Variants in SMAD1 observed in about 807,000 individuals in gnomAD.
SMAD1 encodes the protein MAD, mothers against decapentaplegic homolog 1.
In SMAD1, 6 loss-of-function variants were observed where a neutral mutation model predicts 41.6. The observed-to-expected ratio is 0.14, with a 90% CI of 0.08 to 0.28. The LOEUF is 0.28. SMAD1 is among the 10% of genes least tolerant of loss of function. SMAD1 has a pLI of 1.00. For synonymous variants in SMAD1, 206 were observed against 203.2 expected, an observed-to-expected ratio of 1.01 and a Z score of -0.12; for missense variants, 379 against 582.6, an observed-to-expected ratio of 0.65 and a Z score of 3.60.
intron 1 of SMAD1, chr4:145,502,803 G>A (rs1192582176): frequency 6.6e-6 from 1 of 152,136 alleles, no homozygotes; most frequent in Non-Finnish European, 1.5e-5. Context: ...GAACTTACAA[G>A]TGGTAAGTAG....
At chr4:145,527,469 C>T (rs908791413) in intron 2 of SMAD1, among the ~76,000 whole-genome samples, 4 of 152,064 alleles carry the variant, frequency 2.6e-5, no homozygotes, top group Non-Finnish European at 5.9e-5. Context: ...GTGATCCGCC[C>T]GCCTCGGCCT....
chr4:145,497,874 G>T (rs1729181889), intron 1 of SMAD1: 1 of 152,170 alleles, frequency 6.6e-6, no homozygotes, highest in African/African-American at 2.4e-5. Flanking sequence ...GGAAGAGGGG[G>T]TTGCTGCTAT....
chr4:145,504,542 G>C (rs910924253), intron 1 of SMAD1, among the ~76,000 whole-genome samples: 1 of 152,056 alleles, frequency 6.6e-6, no homozygotes, highest in Non-Finnish European at 1.5e-5. Flanking sequence ...TGTTCTACTT[G>C]TTCTAGAGTT....
At position 145,542,543 on chromosome 4, in the gene SMAD1, A is replaced by C. The variant is rs760072802; in HGVS notation, c.659-39A>C. ...ATACGTGTTTTGAGCATGTATGTTTACTAAGGGTTAAGAAATAACTTCTTT... is the reference window on the plus strand; with the variant it reads ...ATACGTGTTTTGAGCATGTATGTTTCCTAAGGGTTAAGAAATAACTTCTTT... On this transcript the variant is annotated intron_variant, in intron 3 of 6. Coordinates refer to ENST00000302085, the MANE Select transcript of SMAD1 (RefSeq NM_005900.3). The C allele has an allele frequency of 2.4e-6, 3 of 1,256,858 alleles. No individual in the cohort carries two copies. The East Asian group carries it at 7.2e-5, about 30-fold the overall frequency. The allele number at this position is 1,256,858 out of a possible 1,614,324, so 77.9% of individuals were successfully genotyped here. A position where few individuals can be genotyped will look rare whatever the true frequency, so the allele number is the denominator to read the frequency against.
chr4:145,528,378 C>T (rs1163355149), intron 2 of SMAD1, among the ~76,000 whole-genome samples: 1 of 151,996 alleles, frequency 6.6e-6, no homozygotes, highest in Non-Finnish European at 1.5e-5. Flanking sequence ...GCTGGGATTA[C>T]AGGCGTAAGC....
chr4:145,554,671 T>C lies in SMAD1; in HGVS notation c.1254+631T>C, dbSNP rs144751938. Among the ~76,000 whole-genome samples the C allele has an allele frequency of 4.6e-5, 7 of 152,280 alleles. No homozygotes were observed. The East Asian group carries it at 1.3e-3, about 29-fold the overall frequency. ...GGTTAAAGACATTGCTCATAATAATTGATCTTTTTGCTGTCTCATGTTCTG... is the reference window on the plus strand; with the variant it reads ...GGTTAAAGACATTGCTCATAATAATCGATCTTTTTGCTGTCTCATGTTCTG... On this transcript the variant is annotated intron_variant, in intron 6 of 6. Coordinates refer to ENST00000302085, the MANE Select transcript of SMAD1 (RefSeq NM_005900.3).
At chr4:145,557,602 C>A (rs911306094) in intron 6 of SMAD1, among the ~76,000 whole-genome samples, 189 bp from the exon 7 acceptor site, 47 of 152,098 alleles carry the variant, frequency 3.1e-4, no homozygotes, top group African/African-American at 1.1e-3. Flanking sequence ...AACATCCATC[C>A]CTTGAAATTG....
intron 1 of SMAD1, among the ~76,000 whole-genome samples, chr4:145,496,214 G>A (rs2126950796): frequency 6.6e-6 from 1 of 151,936 alleles, no homozygotes; most frequent in South Asian, 2.1e-4. Flanking sequence ...GGAGATGGAG[G>A]GAATTTTTTA....
chr4:145,531,694 A>C (rs1463485904), intron 2 of SMAD1, among the ~76,000 whole-genome samples: 1 of 152,164 alleles, frequency 6.6e-6, no homozygotes, highest in Admixed American at 6.5e-5. Context: ...GCTCAAAGTC[A>C]CAAAGGTGGT....
chr4:145,530,860 C>T (rs1289181118), intron 2 of SMAD1, among the ~76,000 whole-genome samples: 1 of 152,204 alleles, frequency 6.6e-6, no homozygotes, highest in Non-Finnish European at 1.5e-5. Context: ...CACATCCTGG[C>T]CCTCAATTAG....
upstream of SMAD1, chr4:145,481,800 G>A: frequency 5.4e-6 from 1 of 186,530 alleles, no homozygotes; most frequent in Non-Finnish European, 1.1e-5. Flanking sequence ...CCGGGTATTG[G>A]CAGCTGAGGA....
chr4:145,496,618 C>T (rs1257317920), intron 1 of SMAD1, among the ~76,000 whole-genome samples: 3 of 151,992 alleles, frequency 2.0e-5, no homozygotes, highest in African/African-American at 4.8e-5. Flanking sequence ...GAAGGTGAAA[C>T]CTGAATATGC....
chr4:145,487,311 G>T (rs1254760678), intron 1 of SMAD1, among the ~76,000 whole-genome samples: 1 of 152,108 alleles, frequency 6.6e-6, no homozygotes, highest in Non-Finnish European at 1.5e-5. Context: ...CCTAGGGAGA[G>T]AATTGGACAG....
At chr4:145,542,149 A>G (rs1194524833) in intron 3 of SMAD1, among the ~76,000 whole-genome samples, 1 of 152,270 alleles carries the variant, frequency 6.6e-6, no homozygotes, top group Non-Finnish European at 1.5e-5. Flanking sequence ...CTAAAAGCCC[A>G]TAGATTTAAT....
chr4:145,532,868 G>T (rs1731394471), intron 2 of SMAD1, among the ~76,000 whole-genome samples: 1 of 152,144 alleles, frequency 6.6e-6, no homozygotes, highest in Admixed American at 6.6e-5. Context: ...CATTCTTTAG[G>T]CTGGTAAATC....
chr4:145,543,536 TC>T (rs1415655734), intron 4 of SMAD1, among the ~76,000 whole-genome samples: 11 of 152,212 alleles, frequency 7.2e-5, no homozygotes, highest in Admixed American at 2.6e-4. Flanking sequence ...CACAAGTTTT[TC>T]CCCTTCTCAG....
At chr4:145,484,927 A>G (rs1728401838) in intron 1 of SMAD1, among the ~76,000 whole-genome samples, 1 of 152,244 alleles carries the variant, frequency 6.6e-6, no homozygotes, top group Non-Finnish European at 1.5e-5. Flanking sequence ...CCAGAAACAA[A>G]GATATTTGAA....
chr4:145,532,974 A>G (rs1000595481), intron 2 of SMAD1, among the ~76,000 whole-genome samples: 1 of 152,252 alleles, frequency 6.6e-6, no homozygotes, highest in Non-Finnish European at 1.5e-5. Context: ...AATAGAAAAC[A>G]TATTTTAATT....
At chr4:145,515,080 T>C in intron 2 of SMAD1, 67 bp downstream of exon 2, 2 of 1,432,770 alleles carry the variant, frequency 1.4e-6, no homozygotes, top group Middle Eastern at 3.7e-4. Flanking sequence ...GTTTAGAACA[T>C]GAAAATAATC....
Sources: allele counts gnomAD v4.1 joint callset (sites outside exome capture counted in the v4.1 genomes callset), GRCh38; gene constraint gnomAD v4.1.1; transcripts MANE v1.5; gene names NCBI Gene and HGNC (gene_info 2026-07-23, HGNC 2026-07-21).